The following TMEM38B variants were observed in gnomAD, a reference collection of about 807,000 sequenced individuals.
TMEM38B encodes the protein transmembrane protein 38B, also known as trimeric intracellular cation channel type B.
TMEM38B carries 24 observed loss-of-function variants against 28.7 expected under a neutral mutation model. The observed-to-expected ratio is 0.84, with a 90% CI of 0.61 to 1.18. TMEM38B has a LOEUF of 1.18. Among genes scored for constraint, TMEM38B ranks in the 50% most tolerant of loss-of-function variants. The pLI is 0.00. For synonymous variants in TMEM38B, 131 were observed against 127.7 expected, an observed-to-expected ratio of 1.03 and a Z score of -0.17; for missense variants, 380 against 350.9, an observed-to-expected ratio of 1.08 and a Z score of -0.66.
Position 105,749,434 on chromosome 9 carries a change from C to T in TMEM38B, c.660+1244C>T, listed in dbSNP as rs982841993. 7.2e-5 allele frequency among the ~76,000 whole-genome samples: 11 copies of T among 152,180 alleles called. 1 individual carries two copies. The South Asian group carries it at 1.5e-3, about 20-fold the overall frequency. ...TCCCATTTATAAAACCATCAGATTT[C>T]GTGAGACTTACTATCCCAAGAACAG... On this transcript the variant is annotated intron_variant, in intron 5 of 5. Transcript: ENST00000374692.
intron 4 of TMEM38B, among the ~76,000 whole-genome samples, chr9:105,730,002 A>G (rs1318408049): frequency 6.6e-6 from 1 of 152,216 alleles, no homozygotes; most frequent in African/African-American, 2.4e-5. Flanking sequence ...TTTTCTAAAT[A>G]TACAATCATG....
At chr9:105,718,435 C>T (rs1836193434) in intron 2 of TMEM38B, among the ~76,000 whole-genome samples, 1 of 152,118 alleles carries the variant, frequency 6.6e-6, no homozygotes. Context: ...GATGGGGTTT[C>T]TCCATGTTTT....
At chr9:105,727,612 T>G (rs550130157) in intron 4 of TMEM38B, among the ~76,000 whole-genome samples, 2 of 152,288 alleles carry the variant, frequency 1.3e-5, no homozygotes, top group South Asian at 4.1e-4. Context: ...TCCAAAAGTT[T>G]AGTATTTTAG....
chr9:105,725,322 GAT>G (rs201865066), intron 4 of TMEM38B, among the ~76,000 whole-genome samples: 3,199 of 150,768 alleles, frequency 0.021, 112 homozygotes, highest in African/African-American at 0.075. Flanking sequence ...GCTAGGGACA[GAT>G]ATTTTTGTCT....
chr9:105,721,747 A>C lies in TMEM38B; in HGVS notation c.454+26A>C, dbSNP rs1456641695. 5 of 1,548,618 alleles carry C rather than the reference A, an allele frequency of 3.2e-6. No individual in the cohort carries two copies. The Admixed American group carries it at 7.1e-5, about 22-fold the overall frequency. On this transcript the variant is annotated intron_variant, in intron 3 of 5. Coordinates refer to ENST00000374692, the MANE Select transcript of TMEM38B (RefSeq NM_018112.3). ...GTAATATTGACAATATGTGTTCATAAATATTCTGTTGTTGGTGTATTATTA... is the reference window on the plus strand; with the variant it reads ...GTAATATTGACAATATGTGTTCATACATATTCTGTTGTTGGTGTATTATTA...
chr9:105,737,463 G>T (rs944466659), intron 4 of TMEM38B, among the ~76,000 whole-genome samples: 1 of 152,150 alleles, frequency 6.6e-6, no homozygotes, highest in Non-Finnish European at 1.5e-5. Flanking sequence ...GTTTTGTCAG[G>T]CCATGTGCAG....
At chr9:105,745,965 G>C (rs1244912673) in intron 4 of TMEM38B, among the ~76,000 whole-genome samples, 1 of 152,104 alleles carries the variant, frequency 6.6e-6, no homozygotes, top group Non-Finnish European at 1.5e-5. Flanking sequence ...CCAGTACCAT[G>C]CTGTTTTGGT....
chr9:105,699,696 A>G (rs1210459691), intron 1 of TMEM38B, among the ~76,000 whole-genome samples: 1 of 151,288 alleles, frequency 6.6e-6, no homozygotes, highest in Non-Finnish European at 1.5e-5. Flanking sequence ...CAAAGACATA[A>G]AAGACATCAG....
intron 5 of TMEM38B, among the ~76,000 whole-genome samples, 185 bp downstream of exon 5, chr9:105,748,375 A>G (rs1837512904): frequency 6.6e-6 from 1 of 151,826 alleles, no homozygotes; most frequent in Non-Finnish European, 1.5e-5. Flanking sequence ...GTGATTTCTC[A>G]TTTGCTTTAT....
chr9:105,759,966 A>G (rs73520092), intron 5 of TMEM38B: 19,667 of 1,563,274 alleles, frequency 0.013, 470 homozygotes, highest in African/African-American at 0.1. Context: ...CAGCTATGCA[A>G]AGTGAACTCG....
chr9:105,710,950 C>T (rs1835879434), intron 2 of TMEM38B, among the ~76,000 whole-genome samples: 1 of 152,178 alleles, frequency 6.6e-6, no homozygotes, highest in Non-Finnish European at 1.5e-5. Context: ...CTGCGCAAAG[C>T]TGGGACCACG....
chr9:105,725,740 T>TA (rs1836485168), intron 4 of TMEM38B, among the ~76,000 whole-genome samples: 1 of 152,018 alleles, frequency 6.6e-6, no homozygotes, highest in South Asian at 2.1e-4. Context: ...GTCTGAAAGA[T>TA]AAAAAATGAT....
chr9:105,705,167 T>G (rs1835609508), intron 1 of TMEM38B, among the ~76,000 whole-genome samples: 1 of 152,246 alleles, frequency 6.6e-6, no homozygotes, highest in Admixed American at 6.5e-5. Context: ...CCTGTCTTGT[T>G]GAAAGCTTAG....
Position 105,774,210 on chromosome 9 carries a change from A to C in TMEM38B, c.*130A>C, listed in dbSNP as rs1037900665. On this transcript the variant is annotated 3_prime_UTR_variant, in exon 6 of 6. Coordinates refer to ENST00000374692, the MANE Select transcript of TMEM38B (RefSeq NM_018112.3). The stretch of plus-strand genomic sequence containing the variant: ...TGGAATGGAGGTGACAGAAAGAAAG[A>C]AATTCTTTGTTTGAGGGAGACTTCC... 8.0e-6 allele frequency: 6 copies of C among 754,526 alleles called. No individual in the cohort carries two copies. The African/African-American group carries it at 1.1e-4, about 13-fold the overall frequency. The allele number at this position is 754,526 out of a possible 1,614,324, so 46.7% of individuals were successfully genotyped here. A position where few individuals can be genotyped will look rare whatever the true frequency, so the allele number is the denominator to read the frequency against.
rs71306454 is a variant in TMEM38B, at chr9:105,733,421, C to CTTTTTTTTT, written c.542+10807_542+10815dup. ...ATATTGGCTTGCAGTTTTCTTTTTT[C>CTTTTTTTTT]TTTTTTTTTTTTTTTGCGGTGTCTT... On this transcript the variant is annotated intron_variant, in intron 4 of 5. Transcript: ENST00000374692. 7.0e-4 allele frequency among the ~76,000 whole-genome samples: 90 copies of CTTTTTTTTT among 127,828 alleles called. 1 individual carries two copies. The highest frequency in any genetic ancestry group is 2.4e-3 in the African/African-American group (85 of 35,102). The allele number at this position is 127,828 out of a possible 152,430, so 83.9% of individuals were successfully genotyped here.
chr9:105,723,682 G>T (rs1327792889), intron 4 of TMEM38B, among the ~76,000 whole-genome samples: 1 of 151,762 alleles, frequency 6.6e-6, no homozygotes. Context: ...CAGATGTGAA[G>T]CACCACACCC....
intron 4 of TMEM38B, among the ~76,000 whole-genome samples, chr9:105,740,011 T>A (rs1185771178): frequency 6.6e-6 from 1 of 151,770 alleles, no homozygotes; most frequent in Admixed American, 6.6e-5. Flanking sequence ...GCCTCCCGAG[T>A]AGCTGGGATT....
At chr9:105,751,309 G>A (rs1837640712) in intron 5 of TMEM38B, among the ~76,000 whole-genome samples, 1 of 152,214 alleles carries the variant, frequency 6.6e-6, no homozygotes, top group Admixed American at 6.5e-5. Context: ...TGCCAGCCAA[G>A]GGAAGCAGTG....
chr9:105,748,114 T>G lies in TMEM38B; in HGVS notation c.584T>G (p.Phe195Cys), dbSNP rs1439072128. 2 of 1,613,516 alleles carry G rather than the reference T, an allele frequency of 1.2e-6. No homozygotes were observed. The highest frequency in any genetic ancestry group is 1.3e-5 in the African/African-American group (1 of 74,902). ...VTLLGSVIFT[F>C]QHTQHLAISK... ...CTGCTGGGGTCAGTTATCTTCACAT[T>G]CCAGCACACCCAGCATCTGGCAATA... The change falls in exon 5 of 6, where the codon TTC becomes TGC. Residue 195 changes from phenylalanine to cysteine, a missense_variant. Transcript: ENST00000374692.
Sources: gnomAD v4.1 joint callset for allele counts (sites outside exome capture counted in the v4.1 genomes callset) on GRCh38, gnomAD v4.1.1 for gene constraint, MANE v1.5 for transcripts, NCBI Gene and HGNC (gene_info 2026-07-23, HGNC 2026-07-21) for gene names.